KCNQ3: variants seen among roughly 807,000 people sequenced by gnomAD.
The protein encoded by KCNQ3 is potassium voltage-gated channel subfamily Q member 3.
Under a neutral mutation model 92.5 loss-of-function variants are expected in KCNQ3, and 30 were observed. The observed-to-expected ratio is 0.32, with a 90% confidence interval of 0.24 to 0.44. The LOEUF is 0.44. Among genes scored for constraint, KCNQ3 ranks in the 20% least tolerant of loss-of-function variants. KCNQ3 has a pLI of 1.00. For synonymous variants in KCNQ3, 450 were observed against 468.8 expected, an observed-to-expected ratio of 0.96 and a Z score of 0.52; for missense variants, 913 against 1,140.3, an observed-to-expected ratio of 0.80 and a Z score of 2.87.
Position 132,418,456 on chromosome 8 carries a change from C to G in KCNQ3, c.386+61691G>C, listed in dbSNP as rs73347722. Among the ~76,000 whole-genome samples the G allele has an allele frequency of 9.4e-3, 1,430 of 152,288 alleles. 19 individuals are homozygous for G. Among genetic ancestry groups the G allele is most frequent in the African/African-American group, 0.031 (1,294 of 41,560 alleles). On this transcript the variant is annotated intron_variant, in intron 1 of 14. Coordinates refer to ENST00000388996, the MANE Select transcript of KCNQ3 (RefSeq NM_004519.4). Reference sequence around the variant, plus strand: ...TGTGACTAGGGGTAAGTCATTTATTCCCCACTCGGGTTTCACCCTCCTCAA... The same window carrying G: ...TGTGACTAGGGGTAAGTCATTTATTGCCCACTCGGGTTTCACCCTCCTCAA...
At chr8:132,372,034 C>A (rs754640061) in intron 1 of KCNQ3, among the ~76,000 whole-genome samples, 1 of 152,142 alleles carries the variant, frequency 6.6e-6, no homozygotes, top group South Asian at 2.1e-4. Context: ...CTTTCAGGAC[C>A]ATTTAGCCCC....
intron 9 of KCNQ3, among the ~76,000 whole-genome samples, chr8:132,158,400 T>G (rs1825874245): frequency 6.6e-6 from 1 of 152,222 alleles, no homozygotes; most frequent in African/African-American, 2.4e-5. Flanking sequence ...AATTATAGTG[T>G]CTGACCAAAT....
intron 4 of KCNQ3, among the ~76,000 whole-genome samples, chr8:132,176,638 AG>A (rs1404032179): frequency 9.2e-5 from 14 of 152,194 alleles, no homozygotes; most frequent in African/African-American, 3.1e-4. Context: ...GCCTCCCTGC[AG>A]GACTTGGCTC....
chr8:132,172,711 C>T lies in KCNQ3; in HGVS notation c.1045-18G>A, dbSNP rs771388207. The T allele has an allele frequency of 1.3e-6, 2 of 1,585,824 alleles. No individual in the cohort carries two copies. The highest frequency in any genetic ancestry group is 2.2e-5 in the South Asian group (2 of 90,610). On this transcript the variant is annotated intron_variant, in intron 6 of 14. Transcript: ENST00000388996. ...AGGATGCCCTGGAGGGAGAGGCAGG[C>T]AGGCAGTCAGCCCCCAGCTAGACTG...
At chr8:132,171,994 A>C (rs1436628033) in intron 7 of KCNQ3, among the ~76,000 whole-genome samples, 1 of 102,882 alleles carries the variant, frequency 9.7e-6, no homozygotes, top group Non-Finnish European at 2.0e-5. Flanking sequence ...CATCTCTACA[A>C]AAAAAAAAAA....
chr8:132,223,797 T>A (rs923382509), intron 1 of KCNQ3, among the ~76,000 whole-genome samples: 2 of 152,108 alleles, frequency 1.3e-5, no homozygotes, highest in African/African-American at 4.8e-5. Flanking sequence ...AGGTCATGGA[T>A]CTTATTGACT....
At chr8:132,163,385 C>T in intron 9 of KCNQ3, 83 bp downstream of exon 9, 3 of 1,165,776 alleles carry the variant, frequency 2.6e-6, no homozygotes, top group Admixed American at 1.7e-5. Context: ...CATGACCTCC[C>T]ATGGGGCCCT....
intron 1 of KCNQ3, among the ~76,000 whole-genome samples, chr8:132,395,875 G>A (rs1049571570): frequency 1.3e-5 from 2 of 152,178 alleles, no homozygotes; most frequent in African/African-American, 4.8e-5. Flanking sequence ...GAACCCATGG[G>A]AACACGAACT....
chr8:132,260,506 A>G (rs1586874353), intron 1 of KCNQ3, among the ~76,000 whole-genome samples: 1 of 152,160 alleles, frequency 6.6e-6, no homozygotes. Flanking sequence ...CCATATTGGG[A>G]TAAGTTCTGT....
intron 1 of KCNQ3, among the ~76,000 whole-genome samples, chr8:132,378,788 G>C (rs939439557): frequency 3.9e-5 from 6 of 152,136 alleles, no homozygotes; most frequent in Admixed American, 3.9e-4. Flanking sequence ...GTCAATTCTG[G>C]GCAATAAGAC....
intron 1 of KCNQ3, among the ~76,000 whole-genome samples, chr8:132,452,155 G>A (rs189516209): frequency 3.9e-5 from 6 of 152,080 alleles, no homozygotes; most frequent in South Asian, 2.1e-4. Context: ...AACCACATTC[G>A]CATCGTTGTG....
chr8:132,254,902 T>C (rs1815532472), intron 1 of KCNQ3, among the ~76,000 whole-genome samples: 1 of 152,116 alleles, frequency 6.6e-6, no homozygotes, highest in African/African-American at 2.4e-5. Context: ...TAAAAAAGAC[T>C]GGTTCAGCAA....
At chr8:132,259,775 A>G (rs1815713581) in intron 1 of KCNQ3, among the ~76,000 whole-genome samples, 1 of 152,180 alleles carries the variant, frequency 6.6e-6, no homozygotes, top group Admixed American at 6.5e-5. Context: ...CTAAAAAACT[A>G]TTAGAACTAA....
In KCNQ3 at chr8:132,347,893, C is replaced by T. The variant is rs972512432; in HGVS notation, c.386+132254G>A. Among the ~76,000 whole-genome samples, 13 of 145,686 alleles carry T rather than the reference C, an allele frequency of 8.9e-5. No individual in the cohort carries two copies. The South Asian group carries it at 1.6e-3, about 18-fold the overall frequency. On this transcript the variant is annotated intron_variant, in intron 1 of 14. Coordinates refer to ENST00000388996, the MANE Select transcript of KCNQ3 (RefSeq NM_004519.4). Reference sequence around the variant, plus strand: ...TTGGGAGGCTGAGGCAGGAGAATGGCGTGAACCTGGGAGGCGGAGCTTGCA... The same window carrying T: ...TTGGGAGGCTGAGGCAGGAGAATGGTGTGAACCTGGGAGGCGGAGCTTGCA...
intron 1 of KCNQ3, 50 bp from the exon 2 acceptor site, chr8:132,186,231 CT>C: frequency 7.3e-7 from 1 of 1,373,528 alleles, no homozygotes; most frequent in Non-Finnish European, 1.0e-6. Context: ...TCATGGCTTG[CT>C]TTGAGGCTAA....
At chr8:132,369,733 A>G (rs905852787) in intron 1 of KCNQ3, among the ~76,000 whole-genome samples, 2 of 152,160 alleles carry the variant, frequency 1.3e-5, no homozygotes, top group Non-Finnish European at 2.9e-5. Context: ...TAGAGCCAGG[A>G]CTTAAACCCA....
chr8:132,227,987 T>G (rs1393453101), intron 1 of KCNQ3, among the ~76,000 whole-genome samples: 1 of 151,528 alleles, frequency 6.6e-6, no homozygotes, highest in East Asian at 1.9e-4. Context: ...CAAACAGAAG[T>G]TAAAAAAAAA....
At position 132,234,286 on chromosome 8, in the gene KCNQ3, T is replaced by A. The variant is rs375312874; in HGVS notation, c.387-48105A>T. Among the ~76,000 whole-genome samples the A allele has an allele frequency of 7.9e-5, 12 of 151,240 alleles. 2 individuals are homozygous for A. The highest frequency in any genetic ancestry group is 4.0e-4 in the Admixed American group (6 of 15,142). ...TTGCTCTGTAAAGTGGGTGTTCAGA[T>A]CCTCTTTTGGTAAGAAAGAGCAAAA... On this transcript the variant is annotated intron_variant, in intron 1 of 14. Coordinates refer to ENST00000388996, the MANE Select transcript of KCNQ3 (RefSeq NM_004519.4).
At chr8:132,262,751 C>A (rs192367187) in intron 1 of KCNQ3, among the ~76,000 whole-genome samples, 16 of 151,960 alleles carry the variant, frequency 1.1e-4, no homozygotes, top group African/African-American at 3.6e-4. Context: ...CACTGTTACA[C>A]CCGTCTTGGA....
Sources: gnomAD v4.1 joint callset for allele counts (sites outside exome capture counted in the v4.1 genomes callset) on GRCh38, gnomAD v4.1.1 for gene constraint, MANE v1.5 for transcripts, NCBI Gene and HGNC (gene_info 2026-07-23, HGNC 2026-07-21) for gene names.